TTPAL: variants seen among roughly 807,000 people sequenced by gnomAD.
The protein encoded by TTPAL is alpha-tocopherol transfer protein-like.
TTPAL carries 21 observed loss-of-function variants against 28.7 expected under a neutral mutation model. The ratio of observed to expected loss-of-function variants is 0.73; its 90% CI spans 0.52 to 1.06. TTPAL has a LOEUF of 1.06. Ranked by LOEUF, TTPAL falls within the 50% of genes least tolerant of loss-of-function variation. The pLI, the probability that TTPAL is intolerant of heterozygous loss-of-function variation, is 0.00. For synonymous variants in TTPAL, 169 were observed against 171.9 expected (o/e 0.98, Z 0.13); for missense variants, 345 against 425.5 (o/e 0.81, Z 1.67).
rs987438116 is a variant in TTPAL at position 44,492,913 on chromosome 20, A to C, written c.*3372A>C. ...TTATTCTATTGCTGCTGCAAAAATT[A>C]AGGCAAAAGTAGCTTTCGATCTTTC... On this transcript the variant is annotated 3_prime_UTR_variant, in exon 5 of 5. Coordinates refer to ENST00000262605, the MANE Select transcript of TTPAL (RefSeq NM_001039199.3). 6.6e-6 allele frequency: 1 copy of C among 152,354 alleles called. No homozygotes were observed. The highest frequency in any genetic ancestry group is 1.5e-5 in the Non-Finnish European group (1 of 68,046). 9.4% of individuals were successfully genotyped at this position (152,354 alleles called of 1,614,324 possible). A position where few individuals can be genotyped will look rare whatever the true frequency, so the allele number is the denominator to read the frequency against.
In TTPAL at chr20:44,492,621, AT is replaced by A. The variant is rs1254729178; in HGVS notation, c.*3083del. 1 of 152,022 alleles carries A rather than the reference AT, an allele frequency of 6.6e-6. No individual in the cohort carries two copies. The highest frequency in any genetic ancestry group is 2.4e-5 in the African/African-American group (1 of 41,320). The allele number at this position is 152,022 out of a possible 1,614,324, so 9.4% of individuals were successfully genotyped here. A position where few individuals can be genotyped will look rare whatever the true frequency, so the allele number is the denominator to read the frequency against. On this transcript the variant is annotated 3_prime_UTR_variant, in exon 5 of 5. Transcript: ENST00000262605. ...CCCCCTCAATTGGCTTATTTAGTAA[AT>A]TTAGGTCTGAATGAATTGGTACCTA...
intron 2 of TTPAL, among the ~76,000 whole-genome samples, chr20:44,481,037 C>G (rs562096167): frequency 2.0e-5 from 3 of 152,334 alleles, no homozygotes; most frequent in Non-Finnish European, 4.4e-5. Flanking sequence ...GGTATCAGTG[C>G]AAGGGTGCGG....
Position 44,489,432 on chromosome 20 carries a change from CCTGT to C in TTPAL, c.921_924del (p.Cys308ThrfsTer13). On this transcript the variant is annotated frameshift_variant, in exon 5 of 5. Transcript: ENST00000262605. LOFTEE classifies it high-confidence loss of function. Reference sequence around the variant, plus strand: ...AAAGAGTTCTGCCAACCTGTTCCTGCCTGTGACAGCATCCTGGGCCAGACGCTGC... The same window carrying C: ...AAAGAGTTCTGCCAACCTGTTCCTGCGACAGCATCCTGGGCCAGACGCTGC... The C allele has an allele frequency of 6.2e-7, 1 of 1,614,206 alleles. No homozygotes were observed. Among genetic ancestry groups the C allele is most frequent in the Non-Finnish European group, 8.5e-7 (1 of 1,180,048 alleles).
chr20:44,489,165 C>A, intron 4 of TTPAL, 98 bp from the exon 5 acceptor site: 2 of 1,351,276 alleles, frequency 1.5e-6, no homozygotes, highest in Non-Finnish European at 2.0e-6. Flanking sequence ...TTCCTTTCTT[C>A]ATTCAACAGA....
At chr20:44,488,481 G>A (rs1008911023) in intron 4 of TTPAL, among the ~76,000 whole-genome samples, 1 of 151,888 alleles carries the variant, frequency 6.6e-6, no homozygotes, top group Non-Finnish European at 1.5e-5. Flanking sequence ...CAAAACCCCT[G>A]CCCCTAGGAA....
In TTPAL at chr20:44,491,046, A is replaced by T. The variant is rs1197483044; in HGVS notation, c.*1505A>T. ...AGCCAAGATCGCACCACTGCACTCC[A>T]GCCTGGGCGACAGAGCAAGACTCTG... On this transcript the variant is annotated 3_prime_UTR_variant, in exon 5 of 5. Transcript: ENST00000262605. 1 of 143,550 alleles carries T rather than the reference A, an allele frequency of 7.0e-6. No homozygotes were observed. The allele number at this position is 143,550 out of a possible 1,614,324, so 8.9% of individuals were successfully genotyped here.
intron 1 of TTPAL, among the ~76,000 whole-genome samples, chr20:44,479,284 A>G (rs1437879352): frequency 6.6e-6 from 1 of 151,854 alleles, no homozygotes; most frequent in Non-Finnish European, 1.5e-5. Flanking sequence ...AAGGGCATGT[A>G]GGTTTACATT....
At chr20:44,479,399 GTTTT>G (rs869123576) in intron 1 of TTPAL, among the ~76,000 whole-genome samples, 15 of 81,558 alleles carry the variant, frequency 1.8e-4, no homozygotes, top group Non-Finnish European at 2.5e-4. Flanking sequence ...AATCTGAGTT[GTTTT>G]TTTTTTTTTT....
In TTPAL at chr20:44,479,176, TC is replaced by T. The variant is rs2064075587; in HGVS notation, c.-15-807del. 2.0e-5 allele frequency among the ~76,000 whole-genome samples: 3 copies of T among 152,328 alleles called. No individual in the cohort carries two copies. In the South Asian group the frequency reaches 6.2e-4, roughly 32 times the overall value. On this transcript the variant is annotated intron_variant, in intron 1 of 4. Coordinates refer to ENST00000262605, the MANE Select transcript of TTPAL (RefSeq NM_001039199.3). ...TCCCCTGATAGGCAGTTAAGATGTT[TC>T]CAATCTTTTATCATTATAATCAATA...
chr20:44,489,842 T>C lies in TTPAL; in HGVS notation c.*301T>C, dbSNP rs138384257. On this transcript the variant is annotated 3_prime_UTR_variant, in exon 5 of 5. Transcript: ENST00000262605. ...GCTTTTTGGTTGGGGGGTGGTGATCTGGTTCTTACACATCTTGGAAGCAAG... is the reference window on the plus strand; with the variant it reads ...GCTTTTTGGTTGGGGGGTGGTGATCCGGTTCTTACACATCTTGGAAGCAAG... The C allele has an allele frequency of 1.3e-3, 428 of 323,778 alleles. No homozygotes were observed. The highest frequency in any genetic ancestry group is 2.2e-3 in the Non-Finnish European group (386 of 174,758). 20.1% of individuals were successfully genotyped at this position (323,778 alleles called of 1,614,324 possible). A position where few individuals can be genotyped will look rare whatever the true frequency, so the allele number is the denominator to read the frequency against.
chr20:44,492,619 AAATTTAGGTCTG>A lies in TTPAL; in HGVS notation c.*3082_*3093del, dbSNP rs1177327060. The A allele has an allele frequency of 6.6e-6, 1 of 152,176 alleles. No individual in the cohort carries two copies. The highest frequency in any genetic ancestry group is 1.9e-4 in the East Asian group (1 of 5,322). The allele number at this position is 152,176 out of a possible 1,614,324, so 9.4% of individuals were successfully genotyped here. On this transcript the variant is annotated 3_prime_UTR_variant, in exon 5 of 5. Transcript: ENST00000262605. ...TTCCCCCTCAATTGGCTTATTTAGT[AAATTTAGGTCTG>A]AATGAATTGGTACCTAAAAGCTTCC... is the stretch of plus-strand genomic sequence containing the variant.
At chr20:44,477,362 CCAT>C (rs1262368215) in intron 1 of TTPAL, among the ~76,000 whole-genome samples, 1 of 152,200 alleles carries the variant, frequency 6.6e-6, no homozygotes, top group Non-Finnish European at 1.5e-5. Context: ...GTGTCTAACA[CCAT>C]GTTAGGCGCT....
intron 2 of TTPAL, among the ~76,000 whole-genome samples, chr20:44,482,635 G>T (rs1402767749): frequency 7.3e-5 from 11 of 151,406 alleles, no homozygotes. Context: ...CAAATGGGAA[G>T]TTTTATCTTT....
In TTPAL at chr20:44,480,150, C is replaced by A; in HGVS notation, c.151C>A (p.Pro51Thr). The A allele has an allele frequency of 6.2e-7, 1 of 1,614,158 alleles. No homozygotes were observed. The highest frequency in any genetic ancestry group is 8.5e-7 in the Non-Finnish European group (1 of 1,180,028). Residue 51 changes from proline (P) to threonine (T), a missense_variant, in exon 2 of 5, where the codon CCG becomes ACG. Pro to Thr is a conservative substitution (Grantham distance 38). Coordinates refer to ENST00000262605, the MANE Select transcript of TTPAL (RefSeq NM_001039199.3). The surrounding 1 kb of genome is among the most constrained non-coding windows in gnomAD (Gnocchi z 4.1). ...AGCCCGGGAAGAGCTGCAGGAAAAG[C>A]CGGAATGGAGACTTCGAGATGTGCA... Reference protein sequence around the residue: ...TKAREELQEKPEWRLRDVQAL... With the variant: ...TKAREELQEKTEWRLRDVQAL...
chr20:44,487,353 GA>G (rs2064161693), intron 4 of TTPAL, among the ~76,000 whole-genome samples: 1 of 152,106 alleles, frequency 6.6e-6, no homozygotes, highest in African/African-American at 2.4e-5. Flanking sequence ...GAGGTGGGAG[GA>G]CTGCTTGAGC....
At chr20:44,476,148 G>C (rs1235338248) in intron 1 of TTPAL, among the ~76,000 whole-genome samples, 157 bp downstream of exon 1, 6 of 152,186 alleles carry the variant, frequency 3.9e-5, no homozygotes, top group Non-Finnish European at 8.8e-5. Context: ...GGCCTCGGAA[G>C]GTTGTCCACG....
intron 1 of TTPAL, among the ~76,000 whole-genome samples, chr20:44,477,914 CA>C (rs1230158496): frequency 3.9e-5 from 6 of 152,124 alleles, no homozygotes; most frequent in African/African-American, 1.4e-4. Context: ...TTCAGCCTAC[CA>C]AAGTGTTGGG....
intron 1 of TTPAL, among the ~76,000 whole-genome samples, chr20:44,479,410 T>G (rs978226440): frequency 2.6e-5 from 3 of 116,320 alleles, no homozygotes; most frequent in Non-Finnish European, 5.2e-5. Context: ...TTTTTTTTTT[T>G]TTTTTTTTTT....
rs1054576933 is a variant in TTPAL, at chr20:44,486,325, G to A, written c.640-271G>A. 2.5e-4 allele frequency: 58 copies of A among 233,468 alleles called. 1 individual carries two copies. Among genetic ancestry groups the A allele is most frequent in the Non-Finnish European group, 4.1e-4 (49 of 119,654 alleles). The allele number at this position is 233,468 out of a possible 1,614,324, so 14.5% of individuals were successfully genotyped here. A position where few individuals can be genotyped will look rare whatever the true frequency, so the allele number is the denominator to read the frequency against. On this transcript the variant is annotated intron_variant, in intron 3 of 4. Transcript: ENST00000262605. ...TCGAACTCCTGACCTCAAGTGATCC[G>A]CCCACCTCGGCCTCCCAAACTGCTG...
Sources: gnomAD v4.1 joint callset for allele counts (sites outside exome capture counted in the v4.1 genomes callset) on GRCh38, gnomAD v4.1.1 for gene constraint, Gnocchi (gnomAD v3.1) non-coding constraint, MANE v1.5 for transcripts, NCBI Gene and HGNC (gene_info 2026-07-23, HGNC 2026-07-21) for gene names.